Variants in RFX4 observed in about 807,000 individuals in gnomAD.
RFX4 encodes transcription factor RFX4.
In RFX4, 10 loss-of-function variants were observed where a neutral mutation model predicts 95.0. The observed-to-expected ratio is 0.11, with a 90% CI of 0.06 to 0.18. The LOEUF is 0.18. Ranked by LOEUF, RFX4 falls within the 10% of genes least tolerant of loss-of-function variation. RFX4 has a pLI of 1.00. For missense variants in RFX4, 640 were observed against 922.0 expected (o/e 0.69, Z 3.96); for synonymous variants, 321 against 340.7 (o/e 0.94, Z 0.64).
intron 3 of RFX4, among the ~76,000 whole-genome samples, chr12:106,641,962 T>C (rs1175715132): frequency 7.8e-6 from 1 of 127,514 alleles, no homozygotes; most frequent in Non-Finnish European, 1.6e-5. Flanking sequence ...TATCTATATC[T>C]ATATCTATCT....
intron 4 of RFX4, among the ~76,000 whole-genome samples, chr12:106,677,073 G>A (rs551619975): frequency 8.5e-5 from 13 of 152,218 alleles, no homozygotes; most frequent in Admixed American, 5.2e-4. Context: ...GGAACCTGGC[G>A]CTGGATTGTT....
At chr12:106,724,288 A>C (rs1405613251) in intron 13 of RFX4, among the ~76,000 whole-genome samples, 2 of 152,232 alleles carry the variant, frequency 1.3e-5, no homozygotes, top group Non-Finnish European at 2.9e-5. Flanking sequence ...AGAGGTGAGA[A>C]GGGAGCTTGG....
chr12:106,602,880 T>G (rs2039741112), intron 1 of RFX4, among the ~76,000 whole-genome samples: 1 of 152,194 alleles, frequency 6.6e-6, no homozygotes, highest in Non-Finnish European at 1.5e-5. Flanking sequence ...GACAAGGTAC[T>G]GAACAAGATA....
At chr12:106,626,318 G>T (rs1732107590) in intron 2 of RFX4, among the ~76,000 whole-genome samples, 1 of 152,200 alleles carries the variant, frequency 6.6e-6, no homozygotes, top group African/African-American at 2.4e-5. Context: ...CTTGGAGGAG[G>T]TGACATTTGC....
intron 4 of RFX4, among the ~76,000 whole-genome samples, chr12:106,667,816 T>C (rs2041206886): frequency 6.6e-6 from 1 of 152,226 alleles, no homozygotes. Flanking sequence ...ACTTCAAAGC[T>C]TCTTATATAC....
At chr12:106,657,514 G>A (rs1458891553) in intron 4 of RFX4, among the ~76,000 whole-genome samples, 3 of 152,170 alleles carry the variant, frequency 2.0e-5, no homozygotes, top group South Asian at 4.1e-4. Flanking sequence ...CAGTAATGCT[G>A]TATTGACTTT....
At chr12:106,639,470 G>A in intron 3 of RFX4, 78 bp downstream of exon 3, 1 of 1,316,362 alleles carries the variant, frequency 7.6e-7, no homozygotes. Context: ...ATATCACTTG[G>A]ATATTTTAAC....
chr12:106,637,066 G>A (rs544314226), intron 2 of RFX4, among the ~76,000 whole-genome samples: 54 of 152,046 alleles, frequency 3.6e-4, no homozygotes, highest in African/African-American at 1.2e-3. Flanking sequence ...AAATGTGATC[G>A]GCCCGCATCA....
chr12:106,706,867 G>A (rs2042095959), intron 8 of RFX4, among the ~76,000 whole-genome samples: 1 of 152,246 alleles, frequency 6.6e-6, no homozygotes, highest in Non-Finnish European at 1.5e-5. Context: ...CTGGGCTGTA[G>A]ATGATATTAA....
intron 1 of RFX4, chr12:106,601,407 G>T: frequency 6.6e-7 from 1 of 1,512,082 alleles, no homozygotes; most frequent in South Asian, 1.2e-5. Context: ...AGGGGGAACT[G>T]GGGCCAGGCC....
intron 13 of RFX4, among the ~76,000 whole-genome samples, chr12:106,727,042 G>T (rs2042513647): frequency 6.6e-6 from 1 of 151,652 alleles, no homozygotes; most frequent in South Asian, 2.1e-4. Context: ...AAATTGCTGG[G>T]GTTACAAGCA....
intron 17 of RFX4, among the ~76,000 whole-genome samples, chr12:106,755,146 G>A (rs185782549): frequency 4.6e-5 from 7 of 152,340 alleles, no homozygotes; most frequent in African/African-American, 7.2e-5. Flanking sequence ...ACCCAGGCTG[G>A]AGTGCAGCTG....
intron 1 of RFX4, among the ~76,000 whole-genome samples, chr12:106,588,229 C>T (rs1437769028): frequency 6.6e-6 from 1 of 152,170 alleles, no homozygotes; most frequent in Non-Finnish European, 1.5e-5. Flanking sequence ...ATGAACAACT[C>T]TTTTTAAAGG....
Position 106,713,290 on chromosome 12 carries a change from C to A in RFX4, c.993+1779C>A, listed in dbSNP as rs1288832306. 4.6e-5 allele frequency among the ~76,000 whole-genome samples: 7 copies of A among 152,308 alleles called. No individual in the cohort carries two copies. The South Asian group carries it at 8.3e-4, about 18-fold the overall frequency. On this transcript the variant is annotated intron_variant, in intron 10 of 17. Coordinates refer to ENST00000392842, the MANE Select transcript of RFX4 (RefSeq NM_213594.3). ...CTTTCAGATACACCAGGTAAGTAAGCACTTGGCATTCCTATCTCAGCCATT... is the reference window on the plus strand; with the variant it reads ...CTTTCAGATACACCAGGTAAGTAAGAACTTGGCATTCCTATCTCAGCCATT...
chr12:106,705,404 G>A (rs116149877), intron 8 of RFX4, among the ~76,000 whole-genome samples: 1 of 152,322 alleles, frequency 6.6e-6, no homozygotes, highest in African/African-American at 2.4e-5. Context: ...AGAAGTGGAG[G>A]ACAGACCCTG....
intron 4 of RFX4, among the ~76,000 whole-genome samples, chr12:106,677,845 A>T (rs1045444546): frequency 3.9e-5 from 6 of 152,112 alleles, no homozygotes; most frequent in African/African-American, 1.4e-4. Context: ...GGGCAGAAAG[A>T]GAGAAGGGGC....
At chr12:106,743,230 T>C (rs187078933) in intron 15 of RFX4, among the ~76,000 whole-genome samples, 17 of 152,288 alleles carry the variant, frequency 1.1e-4, no homozygotes, top group African/African-American at 3.9e-4. Flanking sequence ...ATAGGGAAGA[T>C]TTGCTATTGT....
chr12:106,756,256 A>G (rs964792360), intron 17 of RFX4, among the ~76,000 whole-genome samples: 2 of 152,226 alleles, frequency 1.3e-5, no homozygotes, highest in South Asian at 2.1e-4. Flanking sequence ...AAAAGGAGAA[A>G]ATAAACCAGA....
At chr12:106,719,838 T>A (rs2042363334) in intron 11 of RFX4, 122 bp from the exon 12 acceptor site, 1 of 740,576 alleles carries the variant, frequency 1.4e-6, no homozygotes, top group Non-Finnish European at 2.3e-6. Context: ...TGCTAAGACC[T>A]TGGAGTTTTA....
Sources: gnomAD v4.1 joint callset for allele counts (sites outside exome capture counted in the v4.1 genomes callset) on GRCh38, gnomAD v4.1.1 for gene constraint, MANE v1.5 for transcripts, NCBI Gene and HGNC (gene_info 2026-07-23, HGNC 2026-07-21) for gene names.